SFXN1: variants seen among roughly 807,000 people sequenced by gnomAD.
The protein encoded by SFXN1 is sideroflexin 1.
Under a neutral mutation model 39.5 loss-of-function variants are expected in SFXN1, and 32 were observed. The ratio of observed to expected loss-of-function variants is 0.81; its 90% CI spans 0.61 to 1.09. The LOEUF is 1.09. Ranked by LOEUF, SFXN1 falls within the 50% of genes least tolerant of loss-of-function variation. SFXN1 has a pLI of 0.00. For synonymous variants in SFXN1, 136 were observed against 146.5 expected (o/e 0.93, Z 0.52); for missense variants, 402 against 407.1 (o/e 0.99, Z 0.11).
chr5:175,496,315 A>T (rs2113292008), intron 2 of SFXN1, among the ~76,000 whole-genome samples: 1 of 151,932 alleles, frequency 6.6e-6, no homozygotes, highest in Non-Finnish European at 1.5e-5. Flanking sequence ...CAGAGGTTTC[A>T]GTGAGCCGAG....
At position 175,513,483 on chromosome 5, in the gene SFXN1, C is replaced by T. The variant is rs1392525583; in HGVS notation, c.617C>T (p.Pro206Leu). Residue 206 changes from proline (P) to leucine (L), a missense_variant, in exon 7 of 11, where the codon CCC becomes CTC. Coordinates refer to ENST00000321442, the MANE Select transcript of SFXN1 (RefSeq NM_022754.7). ...TGCAGGGAACTCAAAGTTGGCATTC[C>T]CGTCACGGATGAGAATGGGAACCGC... ...MRQRELKVGIPVTDENGNRLG... is the reference protein window; with the variant it reads ...MRQRELKVGILVTDENGNRLG... 6.2e-7 allele frequency: 1 copy of T among 1,613,662 alleles called. No homozygotes were observed. The highest frequency in any genetic ancestry group is 1.7e-5 in the Admixed American group (1 of 59,996).
At chr5:175,524,118 A>T (rs1433982892) in intron 10 of SFXN1, 1 of 66,598 alleles carries the variant, frequency 1.5e-5, no homozygotes, top group Non-Finnish European at 2.9e-5. Context: ...AAAAAAAAAA[A>T]AAAAAAAATA....
At chr5:175,514,934 G>C (rs1002714101) in intron 7 of SFXN1, among the ~76,000 whole-genome samples, 2 of 152,180 alleles carry the variant, frequency 1.3e-5, no homozygotes, top group Non-Finnish European at 2.9e-5. Context: ...AGCCCACCCC[G>C]GTGTTCCTAC....
intron 2 of SFXN1, among the ~76,000 whole-genome samples, chr5:175,501,142 C>G (rs1473388606): frequency 6.8e-6 from 1 of 146,152 alleles, no homozygotes; most frequent in Non-Finnish European, 1.5e-5. Flanking sequence ...GATCTTGGCT[C>G]ACTGCAACCT....
rs1760565368 is a variant in SFXN1, at chr5:175,512,750, A to T, written c.596+554A>T. Among the ~76,000 whole-genome samples the T allele has an allele frequency of 4.6e-5, 7 of 152,202 alleles. No homozygotes were observed. In the South Asian group the frequency reaches 1.4e-3, roughly 31 times the overall value. Reference sequence around the variant, plus strand: ...GTGTTAGTAAATATAGTTAATAAATATACAGTAGGGCCATGTGCGAGTGAC... The same window carrying T: ...GTGTTAGTAAATATAGTTAATAAATTTACAGTAGGGCCATGTGCGAGTGAC... On this transcript the variant is annotated intron_variant, in intron 6 of 10. Coordinates refer to ENST00000321442, the MANE Select transcript of SFXN1 (RefSeq NM_022754.7).
In SFXN1 at chr5:175,522,446, A is replaced by G. The variant is rs187632017; in HGVS notation, c.872+24A>G. The G allele has an allele frequency of 1.3e-3, 2,089 of 1,609,634 alleles. 2 individuals are homozygous for G. Among genetic ancestry groups the G allele is most frequent in the Non-Finnish European group, 1.7e-3 (1,947 of 1,178,070 alleles). ...AGGTATGTATTTGTTATTCGTCAGA[A>G]TCATCATGAGTATTAATCCTAAAAA... On this transcript the variant is annotated intron_variant, in intron 10 of 10. Coordinates refer to ENST00000321442, the MANE Select transcript of SFXN1 (RefSeq NM_022754.7).
intron 1 of SFXN1, chr5:175,491,779 A>G: frequency 5.2e-6 from 1 of 192,898 alleles, no homozygotes; most frequent in Non-Finnish European, 1.0e-5. Flanking sequence ...GAGCTGCCGC[A>G]CCCATCCTAA....
chr5:175,482,660 G>A (rs887877400), intron 1 of SFXN1, among the ~76,000 whole-genome samples: 3 of 152,074 alleles, frequency 2.0e-5, no homozygotes, highest in Non-Finnish European at 2.9e-5. Flanking sequence ...GATTAATAAA[G>A]GCCTCTTATA....
chr5:175,492,389 A>C (rs1581271413), intron 2 of SFXN1, 122 bp downstream of exon 2: 1 of 23,536 alleles, frequency 4.2e-5, no homozygotes, highest in Non-Finnish European at 7.5e-5. Context: ...TCTTTTGACC[A>C]AAAAAAAAAA....
At chr5:175,525,348 C>T (rs1761025303) in intron 10 of SFXN1, among the ~76,000 whole-genome samples, 1 of 152,156 alleles carries the variant, frequency 6.6e-6, no homozygotes, top group African/African-American at 2.4e-5. Context: ...ACAGAGTTTT[C>T]CTAAGGGTTA....
chr5:175,521,950 T>C lies in SFXN1; in HGVS notation c.806T>C (p.Val269Ala), dbSNP rs1439791748. The C allele has an allele frequency of 3.1e-6, 5 of 1,603,566 alleles. No homozygotes were observed. The South Asian group carries it at 5.6e-5, about 18-fold the overall frequency. Reference protein sequence around the residue: ...RFPWMSAPIQVGLVGFCLVFA... With the variant: ...RFPWMSAPIQAGLVGFCLVFA... Reference sequence around the variant, plus strand: ...CCATGGATGAGTGCACCCATTCAAGTTGGGTTAGTTGGCTTCTGGTGAGTA... The same window carrying C: ...CCATGGATGAGTGCACCCATTCAAGCTGGGTTAGTTGGCTTCTGGTGAGTA... The change falls in exon 9 of 11, where the codon GTT becomes GCT. Residue 269 changes from valine to alanine, a missense_variant. Coordinates refer to ENST00000321442, the MANE Select transcript of SFXN1 (RefSeq NM_022754.7).
intron 7 of SFXN1, among the ~76,000 whole-genome samples, chr5:175,514,882 A>C (rs192339138): frequency 1.3e-5 from 2 of 152,248 alleles, no homozygotes; most frequent in African/African-American, 4.8e-5. Context: ...TCCTGAGTCC[A>C]GGGACCAGCA....
chr5:175,480,076 C>T (rs898591412), intron 1 of SFXN1, among the ~76,000 whole-genome samples: 1 of 152,156 alleles, frequency 6.6e-6, no homozygotes, highest in Non-Finnish European at 1.5e-5. Flanking sequence ...CCTTTCTCTC[C>T]TCAGCACTGA....
chr5:175,527,704 A>G lies in SFXN1; in HGVS notation c.*970A>G, dbSNP rs923180612. The G allele has an allele frequency of 6.6e-6, 1 of 152,094 alleles. No homozygotes were observed. Among genetic ancestry groups the G allele is most frequent in the African/African-American group, 2.4e-5 (1 of 41,418 alleles). The allele number at this position is 152,094 out of a possible 1,614,324, so 9.4% of individuals were successfully genotyped here. ...TGTGTGTATGAATCAGTCACAATGA[A>G]TTTTACTTGAATATTGTATGTTGCA... On this transcript the variant is annotated 3_prime_UTR_variant, in exon 11 of 11. Transcript: ENST00000321442.
chr5:175,489,981 A>T (rs914151617), intron 1 of SFXN1, among the ~76,000 whole-genome samples: 1 of 152,212 alleles, frequency 6.6e-6, no homozygotes, highest in East Asian at 1.9e-4. Context: ...AATACAAAGT[A>T]ATCTCTCTTC....
chr5:175,513,336 G>A (rs946414889), intron 6 of SFXN1, 127 bp from the exon 7 acceptor site: 7 of 495,408 alleles, frequency 1.4e-5, no homozygotes, highest in Admixed American at 6.3e-5. Context: ...AGATGTGTCA[G>A]TACCAAAAAT....
chr5:175,488,091 G>A (rs764017864), intron 1 of SFXN1, among the ~76,000 whole-genome samples: 4 of 152,128 alleles, frequency 2.6e-5, no homozygotes, highest in Non-Finnish European at 2.9e-5. Context: ...TAAATTGTGC[G>A]TCCGTTCATT....
intron 1 of SFXN1, among the ~76,000 whole-genome samples, chr5:175,490,370 A>G (rs140527402): frequency 6.6e-6 from 1 of 152,314 alleles, no homozygotes; most frequent in Non-Finnish European, 1.5e-5. Flanking sequence ...TAGGAATAGC[A>G]GGCCTGATTT....
At chr5:175,480,951 A>G (rs1013009213) in intron 1 of SFXN1, among the ~76,000 whole-genome samples, 2 of 152,248 alleles carry the variant, frequency 1.3e-5, no homozygotes, top group Non-Finnish European at 2.9e-5. Context: ...CAGAAAGTGA[A>G]AAGTCATTAA....
Sources: gnomAD v4.1 joint callset for allele counts (sites outside exome capture counted in the v4.1 genomes callset) on GRCh38, gnomAD v4.1.1 for gene constraint, MANE v1.5 for transcripts, NCBI Gene and HGNC (gene_info 2026-07-23, HGNC 2026-07-21) for gene names.